POLN: variants seen among roughly 807,000 people sequenced by gnomAD.
POLN encodes the protein DNA polymerase nu.
POLN carries 108 observed loss-of-function variants against 113.5 expected under a neutral mutation model. That is an observed-to-expected ratio of 0.95 (90% CI 0.81 to 1.12). POLN has a LOEUF of 1.12. Among genes scored for constraint, POLN ranks in the 50% most tolerant of loss-of-function variants. The pLI is 0.00. For missense variants in POLN, 1,097 were observed against 1,077.1 expected (o/e 1.02, Z -0.26); for synonymous variants, 386 against 391.5 (o/e 0.99, Z 0.17).
At chr4:2,183,270 C>T (rs1733187619) in intron 7 of POLN, among the ~76,000 whole-genome samples, 2 of 152,170 alleles carry the variant, frequency 1.3e-5, no homozygotes, top group Admixed American at 6.5e-5. Context: ...ATACAGAGTA[C>T]CACATGACCC....
At chr4:2,168,059 G>A (rs567928053) in intron 13 of POLN, among the ~76,000 whole-genome samples, 2 of 152,064 alleles carry the variant, frequency 1.3e-5, no homozygotes, top group South Asian at 2.1e-4. Flanking sequence ...AAAATAATAC[G>A]TCTCAAAACT....
intron 14 of POLN, among the ~76,000 whole-genome samples, chr4:2,158,939 C>A (rs1732508270): frequency 1.3e-5 from 2 of 152,252 alleles, no homozygotes; most frequent in South Asian, 4.1e-4. Context: ...CATTTTGACT[C>A]CTGGGGTTCA....
intron 16 of POLN, among the ~76,000 whole-genome samples, chr4:2,150,538 T>C (rs996280423): frequency 1.3e-5 from 2 of 152,140 alleles, no homozygotes; most frequent in African/African-American, 4.8e-5. Context: ...CCTTTTTTTT[T>C]CTTTTTTAAA....
intron 6 of POLN, among the ~76,000 whole-genome samples, chr4:2,193,845 C>T (rs1278687697): frequency 1.3e-5 from 2 of 152,204 alleles, no homozygotes; most frequent in Non-Finnish European, 2.9e-5. Context: ...CCCTAATTCC[C>T]CAGGCAGGGG....
chr4:2,199,814 C>T (rs982756351), intron 5 of POLN, among the ~76,000 whole-genome samples: 8 of 152,180 alleles, frequency 5.3e-5, no homozygotes, highest in African/African-American at 1.9e-4. Flanking sequence ...TGAGCTCAGC[C>T]AATCCGCCCA....
chr4:2,096,206 T>G (rs1428380919), intron 19 of POLN, among the ~76,000 whole-genome samples: 2 of 152,196 alleles, frequency 1.3e-5, no homozygotes, highest in Non-Finnish European at 2.9e-5. Context: ...CCAAAACTGC[T>G]TTCACCAAAG....
intron 13 of POLN, among the ~76,000 whole-genome samples, chr4:2,160,320 G>A (rs533026364): frequency 2.6e-5 from 4 of 152,128 alleles, no homozygotes; most frequent in African/African-American, 9.6e-5. Flanking sequence ...TTTCTCCTTG[G>A]GTTGTAGAAA....
At chr4:2,143,101 A>G (rs1173198177) in intron 16 of POLN, among the ~76,000 whole-genome samples, 2 of 152,176 alleles carry the variant, frequency 1.3e-5, no homozygotes, top group Non-Finnish European at 2.9e-5. Flanking sequence ...GAAAATTTAT[A>G]GCACTAAAAA....
At chr4:2,156,921 C>A in intron 15 of POLN, 68 bp from the exon 16 acceptor site, 1 of 1,315,730 alleles carries the variant, frequency 7.6e-7, no homozygotes, top group Non-Finnish European at 1.1e-6. Context: ...TGTGGCGGAG[C>A]CTCCACTCAC....
chr4:2,081,646 G>A lies in POLN; in HGVS notation c.2295C>T (p.Asn765=). ...LRAQAERQAV[N]FVVQGSAADL... ...GGCTTCTGGTACCTTGCACCACGAA[G>A]TTCACTGCCTGTCGCTCTGCTTGTG... The change falls in exon 22 of 26, where the codon AAC becomes AAT. Residue 765 remains asparagine, a synonymous_variant. Coordinates refer to ENST00000511885, the MANE Select transcript of POLN (RefSeq NM_181808.4). 20 of 1,614,222 alleles carry A rather than the reference G, an allele frequency of 1.2e-5. No individual in the cohort carries two copies. Among genetic ancestry groups the A allele is most frequent in the Non-Finnish European group, 1.6e-5 (19 of 1,180,042 alleles).
At chr4:2,198,451 C>A in intron 6 of POLN, 73 bp downstream of exon 6, 1 of 1,346,670 alleles carries the variant, frequency 7.4e-7, no homozygotes, top group Non-Finnish European at 9.9e-7. Context: ...TAAAACTGGA[C>A]CTTGAGCAAG....
chr4:2,089,764 T>A, intron 20 of POLN: 1 of 722,958 alleles, frequency 1.4e-6, no homozygotes, highest in Non-Finnish European at 2.3e-6. Context: ...GGACTTTAAA[T>A]CTGGTATTTC....
At chr4:2,175,349 G>A (rs551174868) in intron 9 of POLN, among the ~76,000 whole-genome samples, 2 of 152,104 alleles carry the variant, frequency 1.3e-5, no homozygotes, top group South Asian at 4.1e-4. Context: ...AATTCTGATA[G>A]GCCAAGCCCC....
intron 16 of POLN, among the ~76,000 whole-genome samples, chr4:2,156,108 AG>A (rs1350703981): frequency 2.0e-5 from 3 of 152,208 alleles, no homozygotes; most frequent in Non-Finnish European, 4.4e-5. Context: ...CTGGGATTAC[AG>A]GCATGAGCCA....
chr4:2,225,285 T>TA (rs971229111), intron 3 of POLN, among the ~76,000 whole-genome samples: 8 of 151,658 alleles, frequency 5.3e-5, no homozygotes, highest in South Asian at 4.2e-4. Flanking sequence ...TATAAATATG[T>TA]AAAAAAAAAT....
chr4:2,081,010 C>A lies in POLN; in HGVS notation c.2335G>T (p.Ala779Ser). The change falls in exon 23 of 26, where the codon GCC becomes TCC. Residue 779 changes from alanine to serine, a missense_variant. Transcript: ENST00000511885. ...QGSAADLCKL[A>S]MIHVFTAVAA... ...ACTGCAGTGAAGACATGGATCATGG[C>A]CAGCTTGCAGAGGTCAGCAGCGGAG... is the stretch of plus-strand genomic sequence containing the variant. The A allele has an allele frequency of 1.9e-6, 3 of 1,613,850 alleles. No individual in the cohort carries two copies. Among genetic ancestry groups the A allele is most frequent in the Non-Finnish European group, 1.7e-6 (2 of 1,179,964 alleles).
At chr4:2,087,654 C>T (rs944257479) in intron 20 of POLN, among the ~76,000 whole-genome samples, 8 of 152,062 alleles carry the variant, frequency 5.3e-5, no homozygotes, top group Admixed American at 2.6e-4. Flanking sequence ...ACTTTAAAAT[C>T]CTTGTCTGTT....
chr4:2,087,336 C>A (rs1161821164), intron 20 of POLN, among the ~76,000 whole-genome samples: 2 of 152,236 alleles, frequency 1.3e-5, no homozygotes, highest in African/African-American at 4.8e-5. Flanking sequence ...CAAATTCCAA[C>A]CACCATCCTC....
At chr4:2,081,189 C>A in intron 22 of POLN, 153 bp from the exon 23 acceptor site, 1 of 1,586,912 alleles carries the variant, frequency 6.3e-7, no homozygotes, top group Non-Finnish European at 8.5e-7. Context: ...TGACTGCAGG[C>A]AGACACTTCG....
Sources: gnomAD v4.1 joint callset for allele counts (sites outside exome capture counted in the v4.1 genomes callset) on GRCh38, gnomAD v4.1.1 for gene constraint, MANE v1.5 for transcripts, NCBI Gene and HGNC (gene_info 2026-07-23, HGNC 2026-07-21) for gene names.